KLRF1: variants seen among roughly 807,000 people sequenced by gnomAD.
KLRF1 encodes killer cell lectin like receptor F1, also known as killer cell lectin-like receptor subfamily F member 1.
A neutral mutation model predicts 30.7 loss-of-function variants in KLRF1; 27 were observed. The ratio of observed to expected loss-of-function variants is 0.88; its 90% CI spans 0.65 to 1.21. The LOEUF is 1.21. Ranked by LOEUF, KLRF1 falls within the 50% of genes most tolerant of loss-of-function variation. The probability of loss-of-function intolerance (pLI) is 0.00; values close to 1 mark genes in which losing one functional copy is unlikely to be tolerated. For missense variants in KLRF1, 246 were observed against 259.3 expected (o/e 0.95, Z 0.35); for synonymous variants, 92 against 89.3 (o/e 1.03, Z -0.17).
the KLRF1 span, among the ~76,000 whole-genome samples, chr12:9,818,255 A>G: frequency 6.6e-6 from 1 of 152,242 alleles, no homozygotes. Flanking sequence ...AATCAACGTT[A>G]AGGATGTATC....
upstream of KLRF1, among the ~76,000 whole-genome samples, chr12:9,825,559 C>T (rs1032201819): frequency 6.6e-6 from 1 of 152,058 alleles, no homozygotes; most frequent in Non-Finnish European, 1.5e-5. Context: ...ATAAAAAACC[C>T]TGGAAGATAA....
chr12:9,842,494 G>A (rs1867726364), intron 5 of KLRF1, 61 bp downstream of exon 5: 4 of 1,495,432 alleles, frequency 2.7e-6, no homozygotes, highest in Middle Eastern at 1.7e-4. Flanking sequence ...TCTCCTCCAG[G>A]TTCACCAAAT....
intron 3 of KLRF1, among the ~76,000 whole-genome samples, chr12:9,833,859 A>G (rs1024384110): frequency 1.3e-5 from 2 of 151,048 alleles, no homozygotes; most frequent in African/African-American, 4.9e-5. Context: ...TTCCAGTCAT[A>G]CAGAATTTTG....
Position 9,833,386 on chromosome 12 carries a change from A to G in KLRF1, c.268A>G (p.Asn90Asp), listed in dbSNP as rs145908566. ...TGAGGACACTGGAGATCTAAAAGTG[A>G]ATAATGGCACAAGAAGAAATATAAG... is the stretch of plus-strand genomic sequence containing the variant. ...QYEDTGDLKV[N>D]NGTRRNISNK... Residue 90 changes from asparagine (N) to aspartate (D), a missense_variant, in exon 3 of 6, where the codon AAT (asparagine) becomes GAT (aspartate). Asn to Asp is a conservative substitution (Grantham distance 23). Coordinates refer to ENST00000617889, the MANE Select transcript of KLRF1 (RefSeq NM_016523.3). 1.5e-4 allele frequency: 238 copies of G among 1,612,468 alleles called. 1 individual carries two copies. The African/African-American group carries it at 2.6e-3, about 18-fold the overall frequency.
chr12:9,833,320 C>A lies in KLRF1; in HGVS notation c.202C>A (p.Leu68Ile). The A allele has an allele frequency of 6.2e-7, 1 of 1,601,426 alleles. No homozygotes were observed. Among genetic ancestry groups the A allele is most frequent in the African/African-American group, 1.3e-5 (1 of 74,180 alleles). The change falls in exon 3 of 6, where the codon CTA becomes ATA. Residue 68 changes from leucine to isoleucine, a missense_variant. Physicochemically the swap from Leu to Ile is conservative, Grantham distance 5. Coordinates refer to ENST00000617889, the MANE Select transcript of KLRF1 (RefSeq NM_016523.3). Reference protein sequence around the residue: ...LILLVSQGVLLKCQKGSCSNA... With the variant: ...LILLVSQGVLIKCQKGSCSNA... Reference sequence around the variant, plus strand: ...TATTCAAGTTTCTCAGGGAGTATTGCTAAAATGCCAAAAAGGAAGTTGTTC... The same window carrying A: ...TATTCAAGTTTCTCAGGGAGTATTGATAAAATGCCAAAAAGGAAGTTGTTC...
upstream of KLRF1, among the ~76,000 whole-genome samples, chr12:9,824,882 C>A (rs1192745349): frequency 1.3e-5 from 2 of 151,964 alleles, no homozygotes; most frequent in Non-Finnish European, 2.9e-5. Flanking sequence ...GCCACAAAAA[C>A]AATAAAATAC....
the KLRF1 span, among the ~76,000 whole-genome samples, chr12:9,808,567 C>A: frequency 6.6e-6 from 1 of 152,064 alleles, no homozygotes; most frequent in African/African-American, 2.4e-5. Flanking sequence ...AAAAAAGACC[C>A]GCATCCTCCC....
At chr12:9,805,251 A>C in the KLRF1 span, among the ~76,000 whole-genome samples, 1 of 151,976 alleles carries the variant, frequency 6.6e-6, no homozygotes, top group African/African-American at 2.4e-5. Context: ...GCCCAAAATC[A>C]AGCTGCTAGC....
chr12:9,837,235 A>T (rs1867596835), intron 3 of KLRF1, among the ~76,000 whole-genome samples: 1 of 151,804 alleles, frequency 6.6e-6, no homozygotes, highest in African/African-American at 2.4e-5. Flanking sequence ...GGCTTCTTTC[A>T]CTTAGCATAA....
In KLRF1 at chr12:9,833,422, C is replaced by A. The variant is rs201895572; in HGVS notation, c.304C>A (p.Leu102Ile). 7.3e-5 allele frequency: 117 copies of A among 1,610,012 alleles called. 1 individual carries two copies. The highest frequency in any genetic ancestry group is 8.8e-5 in the Non-Finnish European group (104 of 1,178,160). ...AAGAAGAAATATAAGTAATAAGGAC[C>A]TTTGTGCTTCGAGATCTGCAGACCA... ...GTRRNISNKD[L>I]CASRSADQTV... Residue 102 changes from leucine to isoleucine, a missense_variant, in exon 3 of 6, where the codon CTT (leucine) becomes ATT (isoleucine). Physicochemically the swap from Leu to Ile is conservative, Grantham distance 5 (BLOSUM62 2). Transcript: ENST00000617889.
intron 5 of KLRF1, among the ~76,000 whole-genome samples, chr12:9,843,275 T>C (rs746019340): frequency 4.5e-4 from 68 of 152,294 alleles, no homozygotes; most frequent in African/African-American, 1.6e-3. Context: ...AGAAGGTGAC[T>C]CTGCAGACGT....
At chr12:9,841,503 A>G (rs1416094127) in intron 3 of KLRF1, among the ~76,000 whole-genome samples, 1 of 152,108 alleles carries the variant, frequency 6.6e-6, no homozygotes, top group Non-Finnish European at 1.5e-5. Flanking sequence ...AAGTGATACA[A>G]ATTATATTTT....
At chr12:9,800,927 C>G in the KLRF1 span, among the ~76,000 whole-genome samples, 10,519 of 151,992 alleles carry the variant, frequency 0.069, 469 homozygotes, top group East Asian at 0.2. Flanking sequence ...GATTGCTGCA[C>G]CTATCAACCC....
chr12:9,806,763 C>T, the KLRF1 span, among the ~76,000 whole-genome samples: 1 of 151,988 alleles, frequency 6.6e-6, no homozygotes, highest in Non-Finnish European at 1.5e-5. Context: ...CTCATTGCAA[C>T]CTTAACCTCT....
At chr12:9,815,550 T>A in the KLRF1 span, among the ~76,000 whole-genome samples, 3 of 152,246 alleles carry the variant, frequency 2.0e-5, no homozygotes, top group Non-Finnish European at 4.4e-5. Flanking sequence ...ACGCACTCCA[T>A]CTTTCTTTTC....
intron 1 of KLRF1, among the ~76,000 whole-genome samples, chr12:9,831,648 A>G (rs1268164323): frequency 6.6e-6 from 1 of 152,146 alleles, no homozygotes; most frequent in Non-Finnish European, 1.5e-5. Flanking sequence ...AGCAGACCTA[A>G]ATCCTCTGGA....
chr12:9,811,168 A>G, the KLRF1 span, among the ~76,000 whole-genome samples: 3 of 149,802 alleles, frequency 2.0e-5, no homozygotes, highest in East Asian at 4.1e-4. Context: ...GGAAGTATAG[A>G]GTAGAAAGCA....
At chr12:9,808,630 G>A in the KLRF1 span, among the ~76,000 whole-genome samples, 5 of 152,122 alleles carry the variant, frequency 3.3e-5, no homozygotes, top group African/African-American at 1.2e-4. Flanking sequence ...ACAGAATGCT[G>A]CAATCATGCA....
rs1240929666 is a variant in KLRF1, at chr12:9,835,789, G to A, written c.334+2337G>A. ...CATAAAGGAGTGGCCACAGGAATAG[G>A]AATAGTAGTTTGTGTTGTGAGAGGT... On this transcript the variant is annotated intron_variant, in intron 3 of 5. Transcript: ENST00000617889. Among the ~76,000 whole-genome samples, 3 of 152,076 alleles carry A rather than the reference G, an allele frequency of 2.0e-5. No homozygotes were observed. The East Asian group carries it at 5.8e-4, about 29-fold the overall frequency.
Sources: allele counts gnomAD v4.1 joint callset (sites outside exome capture counted in the v4.1 genomes callset), GRCh38; gene constraint gnomAD v4.1.1; transcripts MANE v1.5; gene names NCBI Gene and HGNC (gene_info 2026-07-23, HGNC 2026-07-21).